The following RAMP1 variants were observed in gnomAD, a reference collection of about 807,000 sequenced individuals.
The protein encoded by RAMP1 is receptor activity-modifying protein 1.
A neutral mutation model predicts 8.2 loss-of-function variants in RAMP1; 7 were observed. That is an observed-to-expected ratio of 0.85 (90% CI 0.49 to 1.60). RAMP1 has a LOEUF of 1.60. Ranked by LOEUF, RAMP1 falls within the 40% of genes most tolerant of loss-of-function variation. The probability of loss-of-function intolerance (pLI) is 0.00; values close to 1 mark genes in which losing one functional copy is unlikely to be tolerated. For synonymous variants in RAMP1, 92 were observed against 84.7 expected (o/e 1.09, Z -0.47); for missense variants, 192 against 202.4 (o/e 0.95, Z 0.31).
intron 1 of RAMP1, among the ~76,000 whole-genome samples, chr2:237,861,091 A>C (rs938021069): frequency 2.0e-5 from 3 of 152,196 alleles, no homozygotes; most frequent in African/African-American, 7.2e-5. Flanking sequence ...TGGGTTGTGG[A>C]ATATTTTTTA....
At chr2:237,898,352 A>G (rs2062563352) in intron 2 of RAMP1, among the ~76,000 whole-genome samples, 1 of 152,118 alleles carries the variant, frequency 6.6e-6, no homozygotes, top group African/African-American at 2.4e-5. Context: ...GGTACATAGG[A>G]CTTCTAATGC....
chr2:237,893,808 A>G (rs1317616614), intron 2 of RAMP1, among the ~76,000 whole-genome samples: 1 of 151,910 alleles, frequency 6.6e-6, no homozygotes, highest in South Asian at 2.1e-4. Flanking sequence ...GCGTGGTGGC[A>G]CGCACCTGCA....
At chr2:237,899,858 G>A (rs910742605) in intron 2 of RAMP1, among the ~76,000 whole-genome samples, 2 of 152,250 alleles carry the variant, frequency 1.3e-5, no homozygotes, top group African/African-American at 4.8e-5. Context: ...TGGGAGGATC[G>A]CTTGAGCCCA....
chr2:237,887,750 G>A (rs1350594159), intron 2 of RAMP1, among the ~76,000 whole-genome samples: 1 of 152,202 alleles, frequency 6.6e-6, no homozygotes, highest in Admixed American at 6.5e-5. Flanking sequence ...ACCAGCCTGG[G>A]CAACATGGCG....
intron 2 of RAMP1, among the ~76,000 whole-genome samples, chr2:237,893,483 T>A (rs1464676264): frequency 6.6e-6 from 1 of 152,246 alleles, no homozygotes; most frequent in Non-Finnish European, 1.5e-5. Flanking sequence ...CACCCTCCTC[T>A]GTCCCCTCTG....
intron 1 of RAMP1, 96 bp downstream of exon 1, chr2:237,859,823 C>A (rs917044183): frequency 3.8e-5 from 21 of 548,752 alleles, no homozygotes; most frequent in African/African-American, 2.7e-4. Context: ...CGGGTGGGAG[C>A]GGGTGGGGGC....
Position 237,877,283 on chromosome 2 carries a change from G to C in RAMP1, c.112G>C (p.Glu38Gln), listed in dbSNP as rs775366491. The change falls in exon 2 of 3, where the codon GAG becomes CAG. Residue 38 changes from glutamate (E) to glutamine (Q), a missense_variant. Coordinates refer to ENST00000254661, the MANE Select transcript of RAMP1 (RefSeq NM_005855.4). The surrounding 1 kb of genome is among the most constrained non-coding windows in gnomAD (Gnocchi z 4.4). ...QEANYGALLR[E>Q]LCLTQFQVDM... is the part of the protein sequence containing the mutation. The stretch of plus-strand genomic sequence containing the variant: ...GGCTAACTACGGTGCCCTCCTCCGG[G>C]AGCTCTGCCTCACCCAGTTCCAGGT... 3.7e-6 allele frequency: 6 copies of C among 1,613,948 alleles called. No individual in the cohort carries two copies. In the African/African-American group the frequency reaches 6.7e-5, roughly 18 times the overall value.
intron 1 of RAMP1, among the ~76,000 whole-genome samples, chr2:237,863,207 G>A (rs544213528): frequency 8.8e-6 from 1 of 113,562 alleles, no homozygotes; most frequent in East Asian, 1.9e-4. Flanking sequence ...GGACAGGGGA[G>A]CCCGGGCTAC....
intron 2 of RAMP1, among the ~76,000 whole-genome samples, chr2:237,905,735 A>T (rs915189628): frequency 6.6e-6 from 1 of 151,912 alleles, no homozygotes; most frequent in African/African-American, 2.4e-5. Flanking sequence ...CATTGGTCAG[A>T]TGCAGTGGCT....
intron 1 of RAMP1, among the ~76,000 whole-genome samples, chr2:237,875,202 C>T (rs1168661374): frequency 6.6e-6 from 1 of 152,124 alleles, no homozygotes; most frequent in Non-Finnish European, 1.5e-5. Context: ...GAAATAGCCC[C>T]TTCCCCAAGG....
intron 2 of RAMP1, among the ~76,000 whole-genome samples, chr2:237,892,873 C>T (rs1276148317): frequency 1.3e-5 from 2 of 151,992 alleles, no homozygotes; most frequent in Admixed American, 6.6e-5. Context: ...TTAATTTTTA[C>T]GCTGTTTTTC....
upstream of RAMP1, chr2:237,859,014 T>TC (rs2062105221): frequency 6.6e-6 from 1 of 152,602 alleles, no homozygotes. Context: ...GCCATCTCAA[T>TC]CCCCCCAAAG....
chr2:237,883,827 AAAAG>A (rs1303232008), intron 2 of RAMP1, among the ~76,000 whole-genome samples: 1,667 of 146,182 alleles, frequency 0.011, 31 homozygotes, highest in African/African-American at 0.039. Flanking sequence ...AAAAAAAAAA[AAAAG>A]AAAAGAAAAG....
intron 2 of RAMP1, among the ~76,000 whole-genome samples, chr2:237,910,081 G>A (rs770664486): frequency 5.9e-5 from 9 of 152,266 alleles, no homozygotes; most frequent in East Asian, 1.9e-4. Flanking sequence ...ACCTGCAGCC[G>A]TGGCAGGATA....
chr2:237,886,051 G>T (rs747781101), intron 2 of RAMP1, among the ~76,000 whole-genome samples: 2 of 152,184 alleles, frequency 1.3e-5, no homozygotes, highest in Non-Finnish European at 2.9e-5. Context: ...TGCAGCTCGC[G>T]CAGTGACACC....
intron 2 of RAMP1, among the ~76,000 whole-genome samples, chr2:237,905,935 T>C (rs1288414085): frequency 6.9e-6 from 1 of 143,992 alleles, no homozygotes; most frequent in East Asian, 2.1e-4. Context: ...CGCTTGAACC[T>C]GGGAAGCGGA....
intron 1 of RAMP1, among the ~76,000 whole-genome samples, chr2:237,875,207 C>T (rs1027786039): frequency 2.6e-5 from 4 of 152,122 alleles, no homozygotes; most frequent in African/African-American, 9.7e-5. Context: ...AGCCCCTTCC[C>T]CAAGGCTGCC....
intron 1 of RAMP1, among the ~76,000 whole-genome samples, chr2:237,871,570 G>A (rs546439820): frequency 6.0e-4 from 91 of 152,210 alleles, no homozygotes; most frequent in African/African-American, 2.0e-3. Flanking sequence ...CCTATGGGCT[G>A]GGGAGCTCTG....
intron 2 of RAMP1, among the ~76,000 whole-genome samples, chr2:237,883,912 C>A (rs1481758401): frequency 3.2e-5 from 3 of 92,986 alleles, no homozygotes; most frequent in Admixed American, 1.3e-4. Flanking sequence ...TGTAGGTCCA[C>A]TTTTTTTTTT....
Sources: gnomAD v4.1 joint callset for allele counts (sites outside exome capture counted in the v4.1 genomes callset) on GRCh38, gnomAD v4.1.1 for gene constraint, Gnocchi (gnomAD v3.1) non-coding constraint, MANE v1.5 for transcripts, NCBI Gene and HGNC (gene_info 2026-07-23, HGNC 2026-07-21) for gene names.